The following RERE variants were observed in gnomAD, a reference collection of about 807,000 sequenced individuals.
The protein encoded by RERE is arginine-glutamic acid dipeptide repeats protein.
Under a neutral mutation model 146.1 loss-of-function variants are expected in RERE, and 40 were observed. The ratio of observed to expected loss-of-function variants is 0.27; its 90% CI spans 0.21 to 0.36. RERE has a LOEUF of 0.36. Among genes scored for constraint, RERE ranks in the 10% least tolerant of loss-of-function variants. The probability of loss-of-function intolerance (pLI) is 1.00; values close to 1 mark genes in which losing one functional copy is unlikely to be tolerated. For synonymous variants in RERE, 1,003 were observed against 866.0 expected, an observed-to-expected ratio of 1.16 and a Z score of -2.78; for missense variants, 1,933 against 2,138.7, an observed-to-expected ratio of 0.90 and a Z score of 1.90.
At chr1:8,815,843 A>ATG (rs780581651) in intron 1 of RERE, among the ~76,000 whole-genome samples, 3,897 of 143,784 alleles carry the variant, frequency 0.027, 111 homozygotes, top group African/African-American at 0.085. Flanking sequence ...GTGTGTGTGT[A>ATG]TGTGTGTGTG....
chr1:8,630,388 A>G (rs1647021066), intron 2 of RERE, among the ~76,000 whole-genome samples: 1 of 152,188 alleles, frequency 6.6e-6, no homozygotes, highest in Non-Finnish European at 1.5e-5. Context: ...CAAACAAACT[A>G]AACAGAGACA....
At chr1:8,436,268 G>A (rs1408574194) in intron 11 of RERE, among the ~76,000 whole-genome samples, 1 of 152,212 alleles carries the variant, frequency 6.6e-6, no homozygotes, top group Non-Finnish European at 1.5e-5. Flanking sequence ...GCAATGAGCT[G>A]AGATTGTGCC....
At chr1:8,435,672 A>C (rs924540896) in intron 11 of RERE, among the ~76,000 whole-genome samples, 1 of 152,206 alleles carries the variant, frequency 6.6e-6, no homozygotes, top group African/African-American at 2.4e-5. Flanking sequence ...AATATCAAAT[A>C]AAAGTTACTC....
At chr1:8,737,137 T>C (rs1425773047) in intron 1 of RERE, among the ~76,000 whole-genome samples, 3 of 152,212 alleles carry the variant, frequency 2.0e-5, no homozygotes, top group Non-Finnish European at 2.9e-5. Context: ...TTCTAATGAA[T>C]GCTTGCTGGA....
intron 1 of RERE, among the ~76,000 whole-genome samples, chr1:8,791,327 G>C (rs1411611290): frequency 6.6e-6 from 1 of 152,120 alleles, no homozygotes; most frequent in East Asian, 1.9e-4. Flanking sequence ...TATTACTACA[G>C]TTCTTTCAGT....
At chr1:8,394,829 AC>A (rs1642998835) in intron 12 of RERE, among the ~76,000 whole-genome samples, 1 of 152,218 alleles carries the variant, frequency 6.6e-6, no homozygotes. Context: ...TGAAGCACTT[AC>A]CACAGTTACA....
intron 1 of RERE, among the ~76,000 whole-genome samples, chr1:8,755,657 G>T (rs1427921328): frequency 6.6e-6 from 1 of 152,140 alleles, no homozygotes; most frequent in East Asian, 1.9e-4. Context: ...TTTTAAAGCA[G>T]ACAATTTAAC....
At chr1:8,788,217 C>T (rs1398310450) in intron 1 of RERE, among the ~76,000 whole-genome samples, 1 of 151,762 alleles carries the variant, frequency 6.6e-6, no homozygotes, top group Non-Finnish European at 1.5e-5. Flanking sequence ...TAGGAAAATA[C>T]TTAAGGAATA....
intron 1 of RERE, among the ~76,000 whole-genome samples, chr1:8,746,643 T>TC (rs1439784566): frequency 6.6e-6 from 1 of 151,996 alleles, no homozygotes; most frequent in East Asian, 1.9e-4. Context: ...GAATCATAAG[T>TC]CAGAGACTAT....
intron 1 of RERE, among the ~76,000 whole-genome samples, chr1:8,807,695 GA>G (rs1055779738): frequency 3.3e-5 from 5 of 151,820 alleles, no homozygotes; most frequent in East Asian, 1.9e-4. Context: ...GTGCAAGATA[GA>G]AAAAAAAGTC....
At chr1:8,553,070 T>G (rs1210933612) in intron 6 of RERE, among the ~76,000 whole-genome samples, 1 of 144,448 alleles carries the variant, frequency 6.9e-6, no homozygotes, top group Non-Finnish European at 1.5e-5. Flanking sequence ...AGTAGGCCAG[T>G]GTGTCCACAT....
At chr1:8,359,458 T>C (rs1015218707) in intron 19 of RERE, among the ~76,000 whole-genome samples, 4 of 152,198 alleles carry the variant, frequency 2.6e-5, no homozygotes, top group African/African-American at 9.6e-5. Flanking sequence ...TCCTTCAAAT[T>C]ACTTAGAAGT....
intron 8 of RERE, among the ~76,000 whole-genome samples, chr1:8,506,205 G>T (rs1416251140): frequency 6.6e-6 from 1 of 151,512 alleles, no homozygotes; most frequent in Admixed American, 6.6e-5. Flanking sequence ...ATTAGGTTGA[G>T]TATCAGGTTC....
In RERE at chr1:8,353,745, G is replaced by A. The variant is rs1476738890; in HGVS notation, c.*1342C>T. 2.0e-5 allele frequency: 3 copies of A among 152,314 alleles called. No individual in the cohort carries two copies. The highest frequency in any genetic ancestry group is 1.9e-4 in the East Asian group (1 of 5,198). 9.4% of individuals were successfully genotyped at this position (152,314 alleles called of 1,614,324 possible). On this transcript the variant is annotated 3_prime_UTR_variant, in exon 23 of 23. Coordinates refer to ENST00000400908, the MANE Select transcript of RERE (RefSeq NM_001042681.2). ...GTGGGACTCCAGTTCCCACTTCCAG[G>A]ATGAAGAGTGGGACTCAAATGGTTT...
At chr1:8,359,025 C>T in intron 19 of RERE, 109 bp from the exon 20 acceptor site, 2 of 1,344,206 alleles carry the variant, frequency 1.5e-6, no homozygotes, top group Non-Finnish European at 2.0e-6. Flanking sequence ...TCTGACAGGC[C>T]AACCTGGTCC....
Position 8,443,804 on chromosome 1 carries a change from G to A in RERE, c.1204-20997C>T, listed in dbSNP as rs1024433980. Among the ~76,000 whole-genome samples, 205 of 152,252 alleles carry A rather than the reference G, an allele frequency of 1.3e-3. 3 individuals carry two copies. Among genetic ancestry groups the A allele is most frequent in the Non-Finnish European group, 3.7e-4 (25 of 68,044 alleles). ...CAGGCTGCTGCTTCAGAGGGTACAA[G>A]CCATAGGCTGTGGCAGCTTCCAGGT... On this transcript the variant is annotated intron_variant, in intron 11 of 22. Coordinates refer to ENST00000400908, the MANE Select transcript of RERE (RefSeq NM_001042681.2).
intron 12 of RERE, among the ~76,000 whole-genome samples, chr1:8,406,122 G>A (rs1325029191): frequency 1.3e-5 from 2 of 152,130 alleles, no homozygotes; most frequent in East Asian, 3.9e-4. Flanking sequence ...AATCGAGACA[G>A]GGTCTCACTC....
chr1:8,387,820 T>C (rs545339843), intron 12 of RERE, among the ~76,000 whole-genome samples: 1 of 152,338 alleles, frequency 6.6e-6, no homozygotes, highest in East Asian at 1.9e-4. Context: ...TTACTGGAAT[T>C]CTTACATACA....
At chr1:8,436,771 T>C (rs1232526791) in intron 11 of RERE, among the ~76,000 whole-genome samples, 3 of 152,218 alleles carry the variant, frequency 2.0e-5, no homozygotes, top group Non-Finnish European at 2.9e-5. Flanking sequence ...ATGTAATCAA[T>C]ATAAAAGTTA....
Sources: allele counts gnomAD v4.1 joint callset (sites outside exome capture counted in the v4.1 genomes callset), GRCh38; gene constraint gnomAD v4.1.1; transcripts MANE v1.5; gene names NCBI Gene and HGNC (gene_info 2026-07-23, HGNC 2026-07-21).